LPP: variants seen among roughly 807,000 people sequenced by gnomAD.
LPP encodes LIM domain containing preferred translocation partner in lipoma.
In LPP, 38 loss-of-function variants were observed where a neutral mutation model predicts 60.4. That is an observed-to-expected ratio of 0.63 (90% CI 0.49 to 0.83). LPP has a LOEUF of 0.83. LPP is among the 40% of genes least tolerant of loss of function. LPP has a pLI of 0.00. For missense variants in LPP, 902 were observed against 783.6 expected, an observed-to-expected ratio of 1.15 and a Z score of -1.80; for synonymous variants, 328 against 290.8, an observed-to-expected ratio of 1.13 and a Z score of -1.30.
intron 9 of LPP, among the ~76,000 whole-genome samples, chr3:188,826,785 C>G (rs763887850): frequency 6.6e-6 from 1 of 152,038 alleles, no homozygotes; most frequent in Non-Finnish European, 1.5e-5. Flanking sequence ...CCCCCCCACT[C>G]TCATCTCTGC....
intron 7 of LPP, among the ~76,000 whole-genome samples, chr3:188,647,071 C>T (rs1338321497): frequency 6.6e-6 from 1 of 152,254 alleles, no homozygotes; most frequent in African/African-American, 2.4e-5. Context: ...TACTTCTTTT[C>T]ATCCACTCAC....
rs555563574 is a variant in LPP at position 188,458,578 on chromosome 3, T to C, written c.194-26014T>C. Among the ~76,000 whole-genome samples the C allele has an allele frequency of 7.2e-5, 11 of 152,366 alleles. No homozygotes were observed. In the South Asian group the frequency reaches 2.3e-3, roughly 32 times the overall value. Reference sequence around the variant, plus strand: ...TATATTATCCAGCTTCAGCAATAATTGACTGATGGCCAGTCTTGCTTCACC... The same window carrying C: ...TATATTATCCAGCTTCAGCAATAATCGACTGATGGCCAGTCTTGCTTCACC... On this transcript the variant is annotated intron_variant, in intron 4 of 11. Transcript: ENST00000617246.
At chr3:188,866,412 A>G (rs775152305) in intron 10 of LPP, 34 bp downstream of exon 10, 15 of 1,405,738 alleles carry the variant, frequency 1.1e-5, no homozygotes, top group Non-Finnish European at 1.3e-5. Flanking sequence ...CCACCCTGCC[A>G]GTCCTTTTGG....
intron 3 of LPP, among the ~76,000 whole-genome samples, chr3:188,389,113 G>A (rs113237868): frequency 3.3e-5 from 5 of 152,108 alleles, no homozygotes; most frequent in African/African-American, 1.2e-4. Context: ...TTTAAGTTGT[G>A]TGTGTGTATG....
At chr3:188,272,638 A>C (rs947702030) in intron 2 of LPP, among the ~76,000 whole-genome samples, 1 of 152,200 alleles carries the variant, frequency 6.6e-6, no homozygotes, top group African/African-American at 2.4e-5. Context: ...TGGTGTTGAG[A>C]AGAATGAATC....
At chr3:188,327,607 G>A (rs1449561746) in intron 2 of LPP, among the ~76,000 whole-genome samples, 1 of 152,222 alleles carries the variant, frequency 6.6e-6, no homozygotes, top group African/African-American at 2.4e-5. Flanking sequence ...CACACAGTGA[G>A]TATTTTTTTT....
At position 188,676,912 on chromosome 3, in the gene LPP, C is replaced by T. The variant is rs1257654964; in HGVS notation, c.1114-31355C>T. Among the ~76,000 whole-genome samples the T allele has an allele frequency of 2.0e-5, 3 of 152,182 alleles. No homozygotes were observed. The East Asian group carries it at 5.8e-4, about 29-fold the overall frequency. ...CTGTAACATTTGTTCTATGAGGGGA[C>T]TTTCACCCTTGTAGGCTTTAAAGAA... On this transcript the variant is annotated intron_variant, in intron 7 of 11. Transcript: ENST00000617246.
intron 8 of LPP, among the ~76,000 whole-genome samples, chr3:188,722,157 G>T (rs1716675991): frequency 6.6e-6 from 1 of 152,138 alleles, no homozygotes; most frequent in Non-Finnish European, 1.5e-5. Flanking sequence ...TCACTGCCTT[G>T]AAAGTAGCTT....
rs1284882548 is a variant in LPP at position 188,160,839 on chromosome 3, C to G, written c.-190+6587C>G. On this transcript the variant is annotated intron_variant, in intron 1 of 11. Coordinates refer to ENST00000617246, the MANE Select transcript of LPP (RefSeq NM_001375462.1). ...AACTGAAAGAGAAGATGCTAAGGCT[C>G]TAATAAAGTAATGAGCAAAGGGCTA... Among the ~76,000 whole-genome samples, 3 of 152,134 alleles carry G rather than the reference C, an allele frequency of 2.0e-5. No homozygotes were observed. In the East Asian group the frequency reaches 5.8e-4, roughly 29 times the overall value.
chr3:188,224,174 G>A (rs1399239887), intron 1 of LPP, among the ~76,000 whole-genome samples: 1 of 152,128 alleles, frequency 6.6e-6, no homozygotes, highest in East Asian at 1.9e-4. Context: ...AGTGGATCAA[G>A]TGGCTCCTGA....
chr3:188,747,258 G>A (rs1041780268), intron 8 of LPP, among the ~76,000 whole-genome samples: 4 of 152,152 alleles, frequency 2.6e-5, no homozygotes, highest in African/African-American at 9.7e-5. Flanking sequence ...AGCTCTTACA[G>A]GTAGAAATAT....
At chr3:188,751,443 C>T (rs919500908) in intron 8 of LPP, among the ~76,000 whole-genome samples, 4 of 152,094 alleles carry the variant, frequency 2.6e-5, no homozygotes, top group Non-Finnish European at 4.4e-5. Context: ...AAAATTAAGA[C>T]GGAGAATGTG....
chr3:188,443,158 G>A (rs1482126167), intron 4 of LPP, among the ~76,000 whole-genome samples: 2 of 152,110 alleles, frequency 1.3e-5, no homozygotes, highest in Admixed American at 6.5e-5. Context: ...GTACACAAAG[G>A]TACACATAAT....
chr3:188,607,368 A>AAGATAT (rs1553941064), intron 6 of LPP, among the ~76,000 whole-genome samples: 3 of 83,676 alleles, frequency 3.6e-5, no homozygotes, highest in African/African-American at 1.4e-4. Context: ...TTGAAAATAG[A>AAGATAT]AGATATATAT....
intron 9 of LPP, among the ~76,000 whole-genome samples, chr3:188,787,708 G>A (rs536373136): frequency 6.6e-5 from 10 of 152,208 alleles, no homozygotes; most frequent in South Asian, 2.1e-4. Flanking sequence ...ACTTTCTACC[G>A]TTTTTAATAG....
In LPP at chr3:188,592,553, T is replaced by TTTTTTTTTTTTTTGTTG. The variant is rs1553936328; in HGVS notation, c.430-16605_430-16604insTTTTTTTTTTGTTGTTT. On this transcript the variant is annotated intron_variant, in intron 6 of 11. Coordinates refer to ENST00000617246, the MANE Select transcript of LPP (RefSeq NM_001375462.1). ...TGAGTATCACTGTTTTTAGTTTTGT[T>TTTTTTTTTTTTTTGTTG]TTTGTTTTTTAAATGGAGTCTCACT... is the stretch of plus-strand genomic sequence containing the variant. Among the ~76,000 whole-genome samples the TTTTTTTTTTTTTTGTTG allele has an allele frequency of 2.5e-4, 30 of 121,338 alleles. 2 individuals are homozygous for TTTTTTTTTTTTTTGTTG. Among genetic ancestry groups the TTTTTTTTTTTTTTGTTG allele is most frequent in the South Asian group, 3.3e-4 (1 of 3,040 alleles). 79.6% of individuals were successfully genotyped at this position (121,338 alleles called of 152,430 possible). A position where few individuals can be genotyped will look rare whatever the true frequency, so the allele number is the denominator to read the frequency against.
chr3:188,495,093 AT>A (rs1560478082), intron 5 of LPP, among the ~76,000 whole-genome samples: 2 of 30,954 alleles, frequency 6.5e-5, no homozygotes, highest in South Asian at 1.1e-3. Flanking sequence ...TTTTATTTAT[AT>A]TTTATTATAT....
intron 6 of LPP, among the ~76,000 whole-genome samples, 188 bp from the exon 7 acceptor site, chr3:188,608,973 C>T (rs1303549717): frequency 6.6e-6 from 1 of 152,052 alleles, no homozygotes; most frequent in African/African-American, 2.4e-5. Flanking sequence ...CGGCAGTGCA[C>T]AGATATACAA....
intron 3 of LPP, among the ~76,000 whole-genome samples, chr3:188,378,222 C>G (rs1775783270): frequency 6.6e-6 from 1 of 152,210 alleles, no homozygotes; most frequent in African/African-American, 2.4e-5. Flanking sequence ...AACCTCTACT[C>G]TCTTCAAAGC....
Sources: gnomAD v4.1 joint callset for allele counts (sites outside exome capture counted in the v4.1 genomes callset) on GRCh38, gnomAD v4.1.1 for gene constraint, MANE v1.5 for transcripts, NCBI Gene and HGNC (gene_info 2026-07-23, HGNC 2026-07-21) for gene names.